The following EXOSC2 variants were observed in gnomAD, a reference collection of about 807,000 sequenced individuals.
EXOSC2 encodes the protein exosome component 2.
In EXOSC2, 29 loss-of-function variants were observed where a neutral mutation model predicts 37.6. The observed-to-expected ratio is 0.77, with a 90% CI of 0.57 to 1.05. The LOEUF (loss-of-function observed/expected upper bound fraction) is 1.05. Ranked by LOEUF, EXOSC2 falls within the 50% of genes least tolerant of loss-of-function variation. The pLI is 0.00. For missense variants in EXOSC2, 346 were observed against 365.6 expected (o/e 0.95, Z 0.44); for synonymous variants, 119 against 131.1 (o/e 0.91, Z 0.63).
rs753861434 is a variant in EXOSC2 at position 130,700,887 on chromosome 9, C to T, written c.447C>T (p.Phe149=). The part of the protein sequence containing the change: ...DLISAEVQAV[F]SDGAVSLHTR... Reference sequence around the variant, plus strand: ...GCCAGGCTGAGGTCCAGGCAGTGTTCTCTGACGGAGCTGTCTCTTTGCACA... The same window carrying T: ...GCCAGGCTGAGGTCCAGGCAGTGTTTTCTGACGGAGCTGTCTCTTTGCACA... Residue 149 remains phenylalanine, a synonymous_variant, in exon 6 of 9, where the codon TTC becomes TTT. Transcript: ENST00000372358. 1.2e-6 allele frequency: 2 copies of T among 1,614,078 alleles called. No homozygotes were observed. The highest frequency in any genetic ancestry group is 3.3e-5 in the Admixed American group (2 of 60,004).
In EXOSC2 at chr9:130,703,883, C is replaced by T. The variant is rs1481475722; in HGVS notation, c.*109C>T. Reference sequence around the variant, plus strand: ...ACTCGAGAGATCATCCCTTTGTCTGCATTGACGGCCCTGTGACGGCCTCCA... The same window carrying T: ...ACTCGAGAGATCATCCCTTTGTCTGTATTGACGGCCCTGTGACGGCCTCCA... On this transcript the variant is annotated 3_prime_UTR_variant, in exon 9 of 9. Transcript: ENST00000372358. 1.4e-5 allele frequency: 12 copies of T among 880,170 alleles called. No homozygotes were observed. Among genetic ancestry groups the T allele is most frequent in the Non-Finnish European group, 2.1e-5 (12 of 575,270 alleles). The allele number at this position is 880,170 out of a possible 1,614,324, so 54.5% of individuals were successfully genotyped here.
In EXOSC2 at chr9:130,702,290, G is replaced by A; in HGVS notation, c.652G>A (p.Gly218Ser). Residue 218 changes from glycine to serine, a missense_variant, in exon 7 of 9, where the codon GGC becomes AGC. Transcript: ENST00000372358. ...TGAGCACAAAGAAGAGGAAGCAGGG[G>A]GCTTCATTGCAAACCTGGAGGTGAG... ...TPEHKEEEAG[G>S]FIANLEPVSL... 1 of 1,613,944 alleles carries A rather than the reference G, an allele frequency of 6.2e-7. No individual in the cohort carries two copies. The highest frequency in any genetic ancestry group is 8.5e-7 in the Non-Finnish European group (1 of 1,179,960).
rs149299789 is a variant in EXOSC2 at position 130,703,071 on chromosome 9, C to T, written c.691C>T (p.Arg231Ter). 160 of 1,613,528 alleles carry T rather than the reference C, an allele frequency of 9.9e-5. No homozygotes were observed. Among genetic ancestry groups the T allele is most frequent in the African/African-American group, 1.7e-4 (13 of 74,982 alleles). The change falls in exon 8 of 9, where the codon CGA becomes TGA. Residue 231 changes from arginine to a stop codon, truncating the protein, a stop_gained. Coordinates refer to ENST00000372358, the MANE Select transcript of EXOSC2 (RefSeq NM_014285.7). LOFTEE classifies it high-confidence loss of function. ...CTTATAGCCTGTCTCTCTTGCTGATCGAGAGGTGATATCCCGGCTTCGGAA... is the reference window on the plus strand; with the variant it reads ...CTTATAGCCTGTCTCTCTTGCTGATTGAGAGGTGATATCCCGGCTTCGGAA... ...ANLEPVSLAD[R>*]EVISRLRNCI...
chr9:130,695,433 G>A, intron 1 of EXOSC2, 59 bp from the exon 2 acceptor site: 1 of 1,428,164 alleles, frequency 7.0e-7, no homozygotes, highest in Non-Finnish European at 9.9e-7. Flanking sequence ...TTCTTGAAGG[G>A]AGAGAAGTCA....
intron 2 of EXOSC2, among the ~76,000 whole-genome samples, chr9:130,695,879 G>A (rs931820980): frequency 7.4e-5 from 8 of 108,270 alleles, no homozygotes; most frequent in Non-Finnish European, 1.2e-4. Flanking sequence ...TTTTTTTTCC[G>A]AGATGGAGTC....
At chr9:130,700,329 TTTTATTTATTTATTTA>T (rs367666983) in intron 5 of EXOSC2, among the ~76,000 whole-genome samples, 40 of 140,664 alleles carry the variant, frequency 2.8e-4, no homozygotes, top group Middle Eastern at 3.8e-3. Context: ...TCTGTCTTTA[TTTTATTTATTTATTTA>T]TTTATTTATT....
rs1354029106 is a variant in EXOSC2 at position 130,704,419 on chromosome 9, T to C, written c.*645T>C. 1.3e-5 allele frequency: 2 copies of C among 152,020 alleles called. No individual in the cohort carries two copies. Among genetic ancestry groups the C allele is most frequent in the Admixed American group, 1.3e-4 (2 of 15,242 alleles). 9.4% of individuals were successfully genotyped at this position (152,020 alleles called of 1,614,324 possible). A position where few individuals can be genotyped will look rare whatever the true frequency, so the allele number is the denominator to read the frequency against. ...GGTGGTGTGCACCTGTAGTCCCAGC[T>C]ATTTGGGAGGCTGAGGTGGGAGAAT... On this transcript the variant is annotated 3_prime_UTR_variant, in exon 9 of 9. Transcript: ENST00000372358.
intron 7 of EXOSC2, 131 bp from the exon 8 acceptor site, chr9:130,702,921 GC>G: frequency 9.3e-7 from 1 of 1,080,204 alleles, no homozygotes; most frequent in Non-Finnish European, 1.3e-6. Context: ...CTTGGAATTA[GC>G]TGTTTGGTTG....
chr9:130,700,750 CCTGGA>C (rs1831197895), intron 5 of EXOSC2, 112 bp from the exon 6 acceptor site: 1 of 830,802 alleles, frequency 1.2e-6, no homozygotes, highest in Non-Finnish European at 2.0e-6. Context: ...GATTGTTGAG[CCTGGA>C]CCATTGGAGA....
chr9:130,699,516 C>G (rs1240433559), intron 5 of EXOSC2, 122 bp downstream of exon 5: 3 of 993,820 alleles, frequency 3.0e-6, no homozygotes, highest in African/African-American at 1.6e-5. Flanking sequence ...AGTCTTAGAC[C>G]AAGTGTCGGG....
At position 130,703,113 on chromosome 9, in the gene EXOSC2, G is replaced by T. The variant is rs1364741663; in HGVS notation, c.733G>T (p.Val245Leu). 2 of 1,613,946 alleles carry T rather than the reference G, an allele frequency of 1.2e-6. No homozygotes were observed. The highest frequency in any genetic ancestry group is 2.2e-5 in the East Asian group (1 of 44,880). Residue 245 changes from valine (V) to leucine (L), a missense_variant, in exon 8 of 9, where the codon GTA becomes TTA. Physicochemically the swap from Val to Leu is conservative, Grantham distance 32 (BLOSUM62 1). Coordinates refer to ENST00000372358, the MANE Select transcript of EXOSC2 (RefSeq NM_014285.7). ...GCTTCGGAACTGCATCATCTCGCTG[G>T]TAACTCAGAGGATGATGCTGTATGA... is the stretch of plus-strand genomic sequence containing the variant. ...SRLRNCIISL[V>L]TQRMMLYDTS...
intron 5 of EXOSC2, among the ~76,000 whole-genome samples, chr9:130,700,176 T>C (rs1831182254): frequency 6.6e-6 from 1 of 151,636 alleles, no homozygotes; most frequent in South Asian, 2.1e-4. Flanking sequence ...GCGTGCGTCA[T>C]GCCTGGCTAA....
chr9:130,700,673 T>TA (rs1230732710), intron 5 of EXOSC2, among the ~76,000 whole-genome samples, 194 bp from the exon 6 acceptor site: 14 of 152,162 alleles, frequency 9.2e-5, no homozygotes, highest in African/African-American at 2.6e-4. Flanking sequence ...GTCTGTATTT[T>TA]TAAAAAAAAG....
chr9:130,696,017 C>T (rs1463420221), intron 2 of EXOSC2, among the ~76,000 whole-genome samples: 3 of 151,908 alleles, frequency 2.0e-5, no homozygotes, highest in East Asian at 1.9e-4. Flanking sequence ...CCCTCCACCA[C>T]GCCTGGCTAA....
chr9:130,699,660 G>T (rs759678467), intron 5 of EXOSC2: 1 of 467,910 alleles, frequency 2.1e-6, no homozygotes, highest in Non-Finnish European at 3.9e-6. Context: ...TTTGTTAATG[G>T]TGTTAACTTT....
chr9:130,697,173 G>A (rs1831114728), intron 2 of EXOSC2, among the ~76,000 whole-genome samples: 1 of 152,234 alleles, frequency 6.6e-6, no homozygotes, highest in African/African-American at 2.4e-5. Context: ...GGCTTGAGAG[G>A]AGCAGGCAGT....
intron 5 of EXOSC2, chr9:130,699,742 C>G (rs1831171306): frequency 4.4e-6 from 1 of 226,908 alleles, no homozygotes; most frequent in African/African-American, 2.2e-5. Context: ...TGACTCATGC[C>G]TGTAATCCCA....
chr9:130,700,957 C>G, intron 6 of EXOSC2, 22 bp downstream of exon 6: 6 of 1,612,838 alleles, frequency 3.7e-6, no homozygotes, highest in Non-Finnish European at 4.2e-6. Flanking sequence ...TCTTGATGTT[C>G]CTGTTTGCTG....
chr9:130,697,723 C>A, intron 3 of EXOSC2, 96 bp downstream of exon 3: 1 of 1,135,774 alleles, frequency 8.8e-7, no homozygotes, highest in Non-Finnish European at 1.3e-6. Context: ...ATGAAAAAGG[C>A]ATTCATTGCA....
Sources: gnomAD v4.1 joint callset for allele counts (sites outside exome capture counted in the v4.1 genomes callset) on GRCh38, gnomAD v4.1.1 for gene constraint, MANE v1.5 for transcripts, NCBI Gene and HGNC (gene_info 2026-07-23, HGNC 2026-07-21) for gene names.